The following RERE variants were observed in gnomAD, a reference collection of about 807,000 sequenced individuals.
The protein encoded by RERE is arginine-glutamic acid dipeptide repeats protein.
In RERE, 40 loss-of-function variants were observed where a neutral mutation model predicts 146.1. The observed-to-expected ratio is 0.27, with a 90% CI of 0.21 to 0.36. RERE has a LOEUF of 0.36. Among genes scored for constraint, RERE ranks in the 10% least tolerant of loss-of-function variants. The pLI is 1.00. For missense variants in RERE, 1,933 were observed against 2,138.7 expected, an observed-to-expected ratio of 0.90 and a Z score of 1.90; for synonymous variants, 1,003 against 866.0, an observed-to-expected ratio of 1.16 and a Z score of -2.78.
At chr1:8,387,196 T>C (rs1257252023) in intron 12 of RERE, among the ~76,000 whole-genome samples, 6 of 152,164 alleles carry the variant, frequency 3.9e-5, no homozygotes, top group Non-Finnish European at 5.9e-5. Flanking sequence ...CACTTTGACA[T>C]AGCTGGCAAC....
At chr1:8,491,655 A>C (rs1644981747) in intron 10 of RERE, among the ~76,000 whole-genome samples, 1 of 152,154 alleles carries the variant, frequency 6.6e-6, no homozygotes, top group African/African-American at 2.4e-5. Flanking sequence ...GACAGCTCAA[A>C]AATTTTCTAA....
chr1:8,625,914 G>A (rs1453014948), intron 2 of RERE, among the ~76,000 whole-genome samples: 1 of 152,166 alleles, frequency 6.6e-6, no homozygotes, highest in Non-Finnish European at 1.5e-5. Context: ...CAACTATTTA[G>A]GCATTCAGAA....
chr1:8,387,242 G>T (rs1642709016), intron 12 of RERE, among the ~76,000 whole-genome samples: 1 of 152,234 alleles, frequency 6.6e-6, no homozygotes, highest in African/African-American at 2.4e-5. Flanking sequence ...CTTCTCCAGA[G>T]ATGACACTGG....
intron 11 of RERE, among the ~76,000 whole-genome samples, chr1:8,432,061 G>T (rs573137705): frequency 6.6e-6 from 1 of 152,162 alleles, no homozygotes; most frequent in Admixed American, 6.5e-5. Context: ...TGGCCTCAGT[G>T]TGTCTCCACA....
intron 1 of RERE, among the ~76,000 whole-genome samples, chr1:8,748,226 A>G (rs952242699): frequency 6.6e-5 from 10 of 152,342 alleles, no homozygotes; most frequent in African/African-American, 2.2e-4. Context: ...GTAACTTGCC[A>G]GAAGTTATTA....
At chr1:8,619,050 C>T (rs947401545) in intron 3 of RERE, among the ~76,000 whole-genome samples, 3 of 152,178 alleles carry the variant, frequency 2.0e-5, no homozygotes, top group Admixed American at 1.3e-4. Context: ...GACAATGAAA[C>T]AACGAGAGGG....
chr1:8,380,786 A>G, intron 12 of RERE: 1 of 456,360 alleles, frequency 2.2e-6, no homozygotes, highest in Non-Finnish European at 4.4e-6. Flanking sequence ...ACTTGAGCCC[A>G]TAGCCCAGGA....
chr1:8,695,525 G>A (rs1404015089), intron 1 of RERE, among the ~76,000 whole-genome samples: 4 of 147,388 alleles, frequency 2.7e-5, no homozygotes, highest in African/African-American at 7.7e-5. Flanking sequence ...CCAGGGGGGC[G>A]GATCACCTGA....
chr1:8,496,227 T>G (rs531902909), intron 9 of RERE, among the ~76,000 whole-genome samples: 36 of 150,378 alleles, frequency 2.4e-4, no homozygotes, highest in African/African-American at 8.6e-4. Flanking sequence ...CATTCTCATC[T>G]CTACTGAATG....
intron 11 of RERE, among the ~76,000 whole-genome samples, chr1:8,443,569 C>A (rs745726784): frequency 6.6e-6 from 1 of 151,660 alleles, no homozygotes; most frequent in Non-Finnish European, 1.5e-5. Flanking sequence ...GGGAGCCAAG[C>A]GCTGATATCC....
chr1:8,769,929 C>T (rs1274685524), intron 1 of RERE, among the ~76,000 whole-genome samples: 1 of 152,084 alleles, frequency 6.6e-6, no homozygotes, highest in Non-Finnish European at 1.5e-5. Context: ...GCTGGGATTC[C>T]GGGCGCACAC....
intron 4 of RERE, among the ~76,000 whole-genome samples, chr1:8,581,419 T>C (rs561060965): frequency 1.3e-5 from 2 of 152,348 alleles, no homozygotes; most frequent in Admixed American, 1.3e-4. Flanking sequence ...AATATTTTCT[T>C]ACAGTCTGAA....
intron 4 of RERE, among the ~76,000 whole-genome samples, chr1:8,588,961 T>C (rs2124092396): frequency 6.6e-6 from 1 of 151,706 alleles, no homozygotes; most frequent in African/African-American, 2.4e-5. Flanking sequence ...CCATCTCTAC[T>C]AAAAATACAA....
intron 1 of RERE, chr1:8,751,067 T>C (rs1203017141): frequency 3.6e-6 from 2 of 555,384 alleles, no homozygotes; most frequent in African/African-American, 3.8e-5. Context: ...CAAATTATCT[T>C]CTCCATGAGG....
intron 10 of RERE, among the ~76,000 whole-genome samples, chr1:8,491,955 T>C (rs1043061217): frequency 3.3e-5 from 5 of 152,224 alleles, no homozygotes; most frequent in African/African-American, 1.2e-4. Flanking sequence ...TCAAATCTTC[T>C]ATTACTCTAG....
rs1026056713 is a variant in RERE at position 8,497,675 on chromosome 1, C to T, written c.880-146G>A. 38 of 791,498 alleles carry T rather than the reference C, an allele frequency of 4.8e-5. 1 individual carries two copies. Among genetic ancestry groups the T allele is most frequent in the Admixed American group, 3.7e-4 (14 of 37,608 alleles). 49.0% of individuals were successfully genotyped at this position (791,498 alleles called of 1,614,324 possible). A position where few individuals can be genotyped will look rare whatever the true frequency, so the allele number is the denominator to read the frequency against. On this transcript the variant is annotated intron_variant, in intron 8 of 22. Coordinates refer to ENST00000400908, the MANE Select transcript of RERE (RefSeq NM_001042681.2). Reference sequence around the variant, plus strand: ...GAAAAATAACAACAAAACCATGAGTCATTTAAACTGACCTATTTCACATGT... The same window carrying T: ...GAAAAATAACAACAAAACCATGAGTTATTTAAACTGACCTATTTCACATGT...
rs192491354 is a variant in RERE at position 8,582,778 on chromosome 1, C to T, written c.523-25255G>A. ...ACCCTGAAATCTCTAACACTGATAC[C>T]GGGCAGGGGTAGTGGTCACGGTATA... On this transcript the variant is annotated intron_variant, in intron 4 of 22. Coordinates refer to ENST00000400908, the MANE Select transcript of RERE (RefSeq NM_001042681.2). Among the ~76,000 whole-genome samples the T allele has an allele frequency of 4.4e-4, 67 of 152,134 alleles. 1 individual carries two copies. The highest frequency in any genetic ancestry group is 1.3e-3 in the African/African-American group (54 of 41,520).
chr1:8,773,587 A>C (rs1302593658), intron 1 of RERE, among the ~76,000 whole-genome samples: 1 of 152,204 alleles, frequency 6.6e-6, no homozygotes, highest in East Asian at 1.9e-4. Context: ...GCACTTTGGG[A>C]GGCCAGGGTG....
At position 8,469,356 on chromosome 1, in the gene RERE, C is replaced by T. The variant is rs574903208; in HGVS notation, c.1105-3333G>A. 7.9e-5 allele frequency among the ~76,000 whole-genome samples: 12 copies of T among 152,252 alleles called. No individual in the cohort carries two copies. The East Asian group carries it at 9.6e-4, about 12-fold the overall frequency. On this transcript the variant is annotated intron_variant, in intron 10 of 22. Coordinates refer to ENST00000400908, the MANE Select transcript of RERE (RefSeq NM_001042681.2). ...AATCTTGGCTGGGCGCGGTGGCTCA[C>T]GCCTGTAATCCCAGCACTCTGGGAG...
Sources: allele counts gnomAD v4.1 joint callset (sites outside exome capture counted in the v4.1 genomes callset), GRCh38; gene constraint gnomAD v4.1.1; transcripts MANE v1.5; gene names NCBI Gene and HGNC (gene_info 2026-07-23, HGNC 2026-07-21).